CCNB3: variants seen among roughly 807,000 people sequenced by gnomAD.
CCNB3 encodes the protein cyclin B3, also known as G2/mitotic-specific cyclin-B3.
In CCNB3, 12 loss-of-function variants were observed where a neutral mutation model predicts 68.0. That is an observed-to-expected ratio of 0.18 (90% CI 0.11 to 0.29). The LOEUF (loss-of-function observed/expected upper bound fraction) is 0.29, where lower values mean the gene tolerates loss of function less well. CCNB3 is among the 10% of genes least tolerant of loss of function. The pLI is 1.00. For missense variants in CCNB3, 904 were observed against 993.1 expected (o/e 0.91, Z 1.21); for synonymous variants, 354 against 388.9 (o/e 0.91, Z 1.06).
At chrX:50,226,553 G>T (rs1478316670) in intron 1 of CCNB3, among the ~76,000 whole-genome samples, 2 of 65,565 alleles carry the variant, frequency 3.1e-5, no homozygotes, top group South Asian at 7.3e-4. Context: ...TATATATATA[G>T]AATATATATA....
chrX:50,322,706 TAACTC>T (rs1922090003), intron 8 of CCNB3, among the ~76,000 whole-genome samples: 1 of 111,377 alleles, frequency 9.0e-6, no homozygotes, highest in Non-Finnish European at 1.9e-5. Context: ...AATCTACAAA[TAACTC>T]AAACAAATTT....
intron 1 of CCNB3, among the ~76,000 whole-genome samples, chrX:50,212,169 A>C (rs1935494289): frequency 8.9e-6 from 1 of 112,371 alleles, no homozygotes. Flanking sequence ...TTATCTTTCC[A>C]AAAACAGGAC....
intron 8 of CCNB3, among the ~76,000 whole-genome samples, chrX:50,328,198 A>G (rs1922392247): frequency 8.9e-6 from 1 of 112,673 alleles, no homozygotes. Flanking sequence ...GTTGTAAGGC[A>G]TTATGTTTGT....
At chrX:50,227,001 A>G (rs1935858787) in intron 1 of CCNB3, among the ~76,000 whole-genome samples, 1 of 75,961 alleles carries the variant, frequency 1.3e-5, no homozygotes, top group Admixed American at 2.0e-4. Context: ...ATATATAAAT[A>G]TATAGAAAAT....
At chrX:50,302,109 C>T (rs182069247) in intron 5 of CCNB3, among the ~76,000 whole-genome samples, 11 of 112,603 alleles carry the variant, frequency 9.8e-5, no homozygotes, top group African/African-American at 2.6e-4. Context: ...CACCCTGCTT[C>T]AACTCGTGCA....
intron 3 of CCNB3, among the ~76,000 whole-genome samples, chrX:50,286,290 A>G (rs1328499370): frequency 8.9e-6 from 1 of 112,079 alleles, no homozygotes; most frequent in Non-Finnish European, 1.9e-5. Flanking sequence ...AATGGAAGTA[A>G]TTCTTCTCAG....
chrX:50,285,101 G>T (rs1936212060), intron 2 of CCNB3, 26 bp from the exon 3 acceptor site: 3 of 860,282 alleles, frequency 3.5e-6, no homozygotes, highest in Non-Finnish European at 5.2e-6. Flanking sequence ...GGTGAATGGT[G>T]TTAAAGAGCC....
chrX:50,224,312 G>A (rs1272603063), intron 1 of CCNB3, among the ~76,000 whole-genome samples: 1 of 110,760 alleles, frequency 9.0e-6, no homozygotes, highest in Non-Finnish European at 1.9e-5. Context: ...TTAATACAGA[G>A]GTATAGGGAG....
intron 3 of CCNB3, among the ~76,000 whole-genome samples, chrX:50,286,357 GT>G (rs1195104433): frequency 8.9e-6 from 1 of 111,895 alleles, no homozygotes; most frequent in Non-Finnish European, 1.9e-5. Flanking sequence ...CTGGAGTGCA[GT>G]GGCACGATCT....
At chrX:50,220,231 C>T (rs1299592305) in intron 1 of CCNB3, among the ~76,000 whole-genome samples, 1 of 111,610 alleles carries the variant, frequency 9.0e-6, no homozygotes, top group African/African-American at 3.3e-5. Context: ...AATTTGATTT[C>T]CTCTCTTCCT....
At chrX:50,338,076 C>T (rs1262525835) in intron 8 of CCNB3, among the ~76,000 whole-genome samples, 1 of 112,068 alleles carries the variant, frequency 8.9e-6, no homozygotes, top group Admixed American at 9.4e-5. Context: ...ACCTGCCATG[C>T]ACTGCTCTGG....
intron 8 of CCNB3, among the ~76,000 whole-genome samples, chrX:50,333,630 T>C (rs781922647): frequency 3.6e-5 from 4 of 111,509 alleles, no homozygotes; most frequent in African/African-American, 1.3e-4. Flanking sequence ...GCACAGCTAC[T>C]CTCCCATCTG....
At chrX:50,316,630 C>A (rs1414704747) in intron 8 of CCNB3, among the ~76,000 whole-genome samples, 1 of 111,802 alleles carries the variant, frequency 8.9e-6, no homozygotes, top group East Asian at 2.8e-4. Flanking sequence ...CACCTTCCAC[C>A]CCTAACTCCT....
intron 1 of CCNB3, among the ~76,000 whole-genome samples, chrX:50,279,291 A>C (rs1424349030): frequency 1.4e-5 from 1 of 71,725 alleles, no homozygotes; most frequent in Non-Finnish European, 2.3e-5. Flanking sequence ...TTCATATATA[A>C]ATATATATGA....
intron 3 of CCNB3, among the ~76,000 whole-genome samples, chrX:50,288,323 T>G (rs1352002337): frequency 3.6e-5 from 4 of 110,320 alleles, no homozygotes; most frequent in Non-Finnish European, 7.6e-5. Context: ...GTTAAATTAT[T>G]AAACTGATCT....
At position 50,311,208 on chromosome X, in the gene CCNB3, A is replaced by G. The variant is rs782458521; in HGVS notation, c.3039A>G (p.Ile1013Met). The G allele has an allele frequency of 1.7e-6, 2 of 1,207,925 alleles. No homozygotes were observed. Among genetic ancestry groups the G allele is most frequent in the Admixed American group, 4.4e-5 (2 of 45,494 alleles). ...INEAFLFEDM[I>M]TLNEKPTTGK... is the part of the protein sequence containing the mutation. ...AGGCATTCCTCTTCGAAGATATGAT[A>G]ACTCTGAATGAGAAACCCACCACTG... The change falls in exon 6 of 13, where the codon ATA becomes ATG. Residue 1013 changes from isoleucine to methionine, a missense_variant. Ile to Met is a conservative substitution (Grantham distance 10). Transcript: ENST00000376042.
chrX:50,331,049 C>G (rs144081086), intron 8 of CCNB3, among the ~76,000 whole-genome samples: 26 of 111,544 alleles, frequency 2.3e-4, no homozygotes, highest in African/African-American at 7.2e-4. Context: ...CATCTTGTGC[C>G]CACGTAGCAG....
Position 50,346,769 on chromosome X carries a change from A to G in CCNB3, c.3772A>G (p.Ile1258Val). Reference sequence around the variant, plus strand: ...GAACGTCCTCAAATGTGACATTAACATTCCCATCGCCTACCATTTTCTGCG... The same window carrying G: ...GAACGTCCTCAAATGTGACATTAACGTTCCCATCGCCTACCATTTTCTGCG... ...ILNVLKCDIN[I>V]PIAYHFLRRY... is the part of the protein sequence containing the mutation. The change falls in exon 10 of 13, where the codon ATT becomes GTT. Residue 1258 changes from isoleucine to valine, a missense_variant. Coordinates refer to ENST00000376042, the MANE Select transcript of CCNB3 (RefSeq NM_033031.3). 1 of 1,211,624 alleles carries G rather than the reference A, an allele frequency of 8.3e-7. No homozygotes were observed. The highest frequency in any genetic ancestry group is 1.1e-6 in the Non-Finnish European group (1 of 895,455).
chrX:50,205,974 G>C (rs1317782592), intron 1 of CCNB3, among the ~76,000 whole-genome samples: 4 of 104,300 alleles, frequency 3.8e-5, no homozygotes, highest in Non-Finnish European at 1.9e-5. Flanking sequence ...TAAATAGCTG[G>C]GCACGGTAGC....
Sources: allele counts gnomAD v4.1 joint callset (sites outside exome capture counted in the v4.1 genomes callset), GRCh38; gene constraint gnomAD v4.1.1; transcripts MANE v1.5; gene names NCBI Gene and HGNC (gene_info 2026-07-23, HGNC 2026-07-21).